Variants in KCND3 observed in about 807,000 individuals in gnomAD.
The protein encoded by KCND3 is potassium voltage-gated channel subfamily D member 3.
In KCND3, 9 loss-of-function variants were observed where a neutral mutation model predicts 51.1. That is an observed-to-expected ratio of 0.18 (90% CI 0.11 to 0.31). The LOEUF is 0.31. KCND3 is among the 10% of genes least tolerant of loss of function. KCND3 has a pLI of 1.00. For missense variants in KCND3, 526 were observed against 903.8 expected (o/e 0.58, Z 5.36); for synonymous variants, 349 against 368.0 (o/e 0.95, Z 0.59).
chr1:111,858,221 C>T (rs1293201028), intron 2 of KCND3, among the ~76,000 whole-genome samples: 2 of 152,186 alleles, frequency 1.3e-5, no homozygotes, highest in African/African-American at 4.8e-5. Flanking sequence ...TAGAGTTTTT[C>T]TTAACTCCAT....
chr1:111,891,206 G>C (rs1338166481), intron 2 of KCND3, among the ~76,000 whole-genome samples: 1 of 152,142 alleles, frequency 6.6e-6, no homozygotes, highest in Non-Finnish European at 1.5e-5. Context: ...AAAGGGTTGG[G>C]CACATGGGCA....
At chr1:111,813,737 G>T (rs1352352746) in intron 2 of KCND3, among the ~76,000 whole-genome samples, 1 of 152,258 alleles carries the variant, frequency 6.6e-6, no homozygotes, top group African/African-American at 2.4e-5. Context: ...ACTAGAACCT[G>T]CTAGGAGCCA....
At chr1:111,792,515 C>T (rs985938010) in intron 2 of KCND3, among the ~76,000 whole-genome samples, 6 of 152,160 alleles carry the variant, frequency 3.9e-5, no homozygotes, top group Admixed American at 3.3e-4. Context: ...AGCTTAGCCC[C>T]TTCTCTCCAC....
At chr1:111,894,640 G>C (rs1558004400) in intron 2 of KCND3, among the ~76,000 whole-genome samples, 2 of 152,230 alleles carry the variant, frequency 1.3e-5, no homozygotes, top group African/African-American at 4.8e-5. Context: ...AGCAGGCTGC[G>C]CTGCACCACG....
At chr1:111,779,507 T>G (rs1664279605) in intron 5 of KCND3, among the ~76,000 whole-genome samples, 1 of 152,132 alleles carries the variant, frequency 6.6e-6, no homozygotes, top group Non-Finnish European at 1.5e-5. Context: ...TACTCTGACC[T>G]CTCTTCCCTG....
chr1:111,876,950 C>T (rs1185290154), intron 2 of KCND3, among the ~76,000 whole-genome samples: 1 of 152,210 alleles, frequency 6.6e-6, no homozygotes, highest in Non-Finnish European at 1.5e-5. Flanking sequence ...GGTAGGATGG[C>T]TCCACATCTG....
chr1:111,932,453 G>A (rs1346921002), intron 2 of KCND3, among the ~76,000 whole-genome samples: 1 of 152,126 alleles, frequency 6.6e-6, no homozygotes, highest in Non-Finnish European at 1.5e-5. Flanking sequence ...CTGCAGTGCA[G>A]CCATCACCAC....
chr1:111,909,367 G>A (rs1670814440), intron 2 of KCND3: 1 of 152,170 alleles, frequency 6.6e-6, no homozygotes. Flanking sequence ...CTATTGAGGG[G>A]GCACAATGAT....
chr1:111,970,000 A>C (rs1571921387), intron 2 of KCND3, among the ~76,000 whole-genome samples: 2 of 149,214 alleles, frequency 1.3e-5, no homozygotes, highest in Non-Finnish European at 1.5e-5. Context: ...CTTTTATTCC[A>C]ATCTTTCCTT....
intron 2 of KCND3, among the ~76,000 whole-genome samples, chr1:111,944,566 G>A (rs1344288543): frequency 1.3e-5 from 2 of 152,212 alleles, no homozygotes; most frequent in South Asian, 2.1e-4. Flanking sequence ...CCCCTCCTGG[G>A]CATGCTGCCT....
chr1:111,966,017 G>T (rs1199483447), intron 2 of KCND3, among the ~76,000 whole-genome samples: 1 of 151,998 alleles, frequency 6.6e-6, no homozygotes, highest in Non-Finnish European at 1.5e-5. Context: ...GTGGTGACTG[G>T]GACCTCCCTA....
intron 2 of KCND3, among the ~76,000 whole-genome samples, chr1:111,866,263 C>CTTTTTTTTTTTTTTTTTTTTTTTTTT (rs11399761): frequency 1.3e-4 from 7 of 54,220 alleles, no homozygotes; most frequent in East Asian, 3.1e-4. Context: ...CTTTTCTTTT[C>CTTTTTTTTTTTTTTTTTTTTTTTTTT]TTTTTTTTTT....
chr1:111,785,944 GA>G (rs968398350), intron 3 of KCND3, among the ~76,000 whole-genome samples: 4 of 152,170 alleles, frequency 2.6e-5, no homozygotes, highest in Admixed American at 2.0e-4. Context: ...AAAGTAAGGA[GA>G]CAAAACCCCA....
intron 2 of KCND3, among the ~76,000 whole-genome samples, chr1:111,925,184 G>A (rs890998551): frequency 6.6e-6 from 1 of 152,210 alleles, no homozygotes; most frequent in Admixed American, 6.5e-5. Context: ...AGGCTGCCCT[G>A]GCATTCAGCA....
At chr1:111,964,530 CA>C (rs1490641093) in intron 2 of KCND3, among the ~76,000 whole-genome samples, 1 of 152,146 alleles carries the variant, frequency 6.6e-6, no homozygotes, top group Non-Finnish European at 1.5e-5. Context: ...CCCAGAGGAA[CA>C]AGGTCAAAAG....
intron 2 of KCND3, among the ~76,000 whole-genome samples, chr1:111,808,815 C>T (rs1433657894): frequency 1.3e-5 from 2 of 152,244 alleles, no homozygotes; most frequent in South Asian, 2.1e-4. Context: ...GCATTAAATA[C>T]TTGTGCTCTG....
intron 2 of KCND3, among the ~76,000 whole-genome samples, chr1:111,797,625 C>T (rs1231196435): frequency 1.3e-5 from 2 of 152,158 alleles, no homozygotes; most frequent in African/African-American, 2.4e-5. Flanking sequence ...CCTGTGTGAG[C>T]ACAAAGGAGG....
At chr1:111,973,374 T>C (rs1450439985) in intron 2 of KCND3, among the ~76,000 whole-genome samples, 2 of 152,236 alleles carry the variant, frequency 1.3e-5, no homozygotes, top group African/African-American at 4.8e-5. Context: ...AGGGTAGAGA[T>C]TTCCCAGTCT....
intron 2 of KCND3, among the ~76,000 whole-genome samples, chr1:111,833,569 A>C (rs661407): frequency 7.2e-5 from 11 of 152,294 alleles, no homozygotes; most frequent in African/African-American, 2.6e-4. Context: ...CAAGCCAGCC[A>C]GAATTTGTTG....
Sources: allele counts gnomAD v4.1 joint callset (sites outside exome capture counted in the v4.1 genomes callset), GRCh38; gene constraint gnomAD v4.1.1; transcripts MANE v1.5; gene names NCBI Gene and HGNC (gene_info 2026-07-23, HGNC 2026-07-21).